FAM184A: variants seen among roughly 807,000 people sequenced by gnomAD.
FAM184A encodes the protein family with sequence similarity 184 member A.
A neutral mutation model predicts 143.8 loss-of-function variants in FAM184A; 99 were observed. That is an observed-to-expected ratio of 0.69 (90% CI 0.58 to 0.81). FAM184A has a LOEUF of 0.81. FAM184A is among the 40% of genes least tolerant of loss of function. FAM184A has a pLI of 0.00. For missense variants in FAM184A, 1,217 were observed against 1,310.5 expected, an observed-to-expected ratio of 0.93 and a Z score of 1.10; for synonymous variants, 427 against 446.4, an observed-to-expected ratio of 0.96 and a Z score of 0.55.
chr6:118,964,287 G>A (rs1168931534), intron 16 of FAM184A, among the ~76,000 whole-genome samples: 2 of 152,234 alleles, frequency 1.3e-5, no homozygotes, highest in Admixed American at 1.3e-4. Context: ...AAGATGTTAG[G>A]CCTTAAACCA....
chr6:119,020,163 T>G lies in FAM184A; in HGVS notation c.1151-4A>C, dbSNP rs1562476510. 6.6e-7 allele frequency: 1 copy of G among 1,523,476 alleles called. No individual in the cohort carries two copies. 94.4% of individuals were successfully genotyped at this position (1,523,476 alleles called of 1,614,324 possible). A position where few individuals can be genotyped will look rare whatever the true frequency, so the allele number is the denominator to read the frequency against. ...GCTTGAAGCATTCCAATATGACCTA[T>G]CCCCCAAAAAGAAAATCCCTTCAAT... is the stretch of plus-strand genomic sequence containing the variant. On this transcript the variant is annotated splice_polypyrimidine_tract_variant and splice_region_variant and intron_variant, in intron 3 of 17. Transcript: ENST00000338891.
chr6:119,094,747 A>G (rs953759947), intron 1 of FAM184A, among the ~76,000 whole-genome samples: 2 of 144,716 alleles, frequency 1.4e-5, no homozygotes, highest in African/African-American at 5.1e-5. Flanking sequence ...GCTTACTGAG[A>G]GAAGGAAGAT....
chr6:119,008,879 C>T (rs1785006580), intron 6 of FAM184A, among the ~76,000 whole-genome samples: 2 of 152,202 alleles, frequency 1.3e-5, no homozygotes, highest in Admixed American at 1.3e-4. Flanking sequence ...CTTAGGATAA[C>T]TTTCAAAATC....
At chr6:118,970,008 A>ATATATATATATATATATATATATTTT in intron 14 of FAM184A, among the ~76,000 whole-genome samples, 5 of 19,046 alleles carry the variant, frequency 2.6e-4, no homozygotes, top group Admixed American at 7.6e-4. Context: ...ATATATATAT[A>ATATATATATATATATATATATATTTT]TTTTTTTTTT....
intron 9 of FAM184A, among the ~76,000 whole-genome samples, chr6:119,001,000 A>T (rs1784738728): frequency 6.6e-6 from 1 of 151,220 alleles, no homozygotes; most frequent in Non-Finnish European, 1.5e-5. Flanking sequence ...GGGGCTTTAG[A>T]GCACAGGCTC....
chr6:119,061,905 T>C (rs879508329), intron 1 of FAM184A, among the ~76,000 whole-genome samples: 2 of 152,100 alleles, frequency 1.3e-5, no homozygotes, highest in African/African-American at 2.4e-5. Flanking sequence ...TATTTGTCAA[T>C]TGAAACAAAA....
intron 1 of FAM184A, among the ~76,000 whole-genome samples, chr6:119,147,060 C>T (rs1180858478): frequency 6.9e-6 from 1 of 143,950 alleles, no homozygotes; most frequent in Non-Finnish European, 1.5e-5. Context: ...CAGTGGCAGG[C>T]TCTGTTTTTT....
In FAM184A at chr6:119,020,162, AT is replaced by A. The variant is rs1279469569; in HGVS notation, c.1151-4del. 6.6e-7 allele frequency: 1 copy of A among 1,524,790 alleles called. No homozygotes were observed. The highest frequency in any genetic ancestry group is 8.8e-7 in the Non-Finnish European group (1 of 1,142,104). 94.5% of individuals were successfully genotyped at this position (1,524,790 alleles called of 1,614,324 possible). On this transcript the variant is annotated splice_region_variant and splice_polypyrimidine_tract_variant and intron_variant, in intron 3 of 17. Coordinates refer to ENST00000338891, the MANE Select transcript of FAM184A (RefSeq NM_024581.6). Reference sequence around the variant, plus strand: ...TGCTTGAAGCATTCCAATATGACCTATCCCCCAAAAAGAAAATCCCTTCAAT... The same window carrying A: ...TGCTTGAAGCATTCCAATATGACCTACCCCCAAAAAGAAAATCCCTTCAAT...
intron 1 of FAM184A, among the ~76,000 whole-genome samples, chr6:119,104,021 T>TG (rs1460764673): frequency 1.3e-5 from 2 of 152,128 alleles, no homozygotes; most frequent in African/African-American, 4.8e-5. Flanking sequence ...TATTTTTATT[T>TG]AATTTATGTA....
intron 16 of FAM184A, among the ~76,000 whole-genome samples, chr6:118,964,372 C>T (rs1783428188): frequency 6.6e-6 from 1 of 151,800 alleles, no homozygotes; most frequent in Non-Finnish European, 1.5e-5. Flanking sequence ...AATAAGAAAA[C>T]AACAAGAAAT....
Position 119,011,415 on chromosome 6 carries a change from T to C in FAM184A, c.1547A>G (p.His516Arg). The C allele has an allele frequency of 6.4e-7, 1 of 1,554,756 alleles. No homozygotes were observed. Among genetic ancestry groups the C allele is most frequent in the African/African-American group, 1.4e-5 (1 of 72,384 alleles). Residue 516 changes from histidine to arginine, a missense_variant, in exon 6 of 18, where the codon CAT becomes CGT. Coordinates refer to ENST00000338891, the MANE Select transcript of FAM184A (RefSeq NM_024581.6). ...TTCCAGGTTTAGTTTATCTTTGTTATGTTGTTCTTCCAAATCCTTAGAAAA... is the reference window on the plus strand; with the variant it reads ...TTCCAGGTTTAGTTTATCTTTGTTACGTTGTTCTTCCAAATCCTTAGAAAA... ...KKLQMDLEEQ[H>R]NKDKLNLEED... is the part of the protein sequence containing the mutation.
At chr6:119,002,785 G>T in intron 9 of FAM184A, 114 bp downstream of exon 9, 1 of 950,634 alleles carries the variant, frequency 1.1e-6, no homozygotes, top group South Asian at 2.0e-5. Context: ...GAAGTTTTAA[G>T]TTTGTCCCAT....
At chr6:119,040,990 C>A (rs1342793) in intron 1 of FAM184A, among the ~76,000 whole-genome samples, 145,715 of 152,262 alleles carry the variant, frequency 0.96, 69,829 homozygotes, top group African/African-American at 0.97. Flanking sequence ...GGTTTCCATG[C>A]GTGTTCCTTC....
chr6:119,082,020 G>T (rs1229256406), upstream of FAM184A, among the ~76,000 whole-genome samples: 2 of 152,344 alleles, frequency 1.3e-5, no homozygotes, highest in East Asian at 3.9e-4. Context: ...GCACAGGATG[G>T]TGGGGGTGGC....
intron 1 of FAM184A, among the ~76,000 whole-genome samples, chr6:119,044,804 A>G (rs1011175156): frequency 6.6e-6 from 1 of 152,208 alleles, no homozygotes; most frequent in African/African-American, 2.4e-5. Context: ...GGAACTGGGT[A>G]TAACTCTTAG....
chr6:119,122,242 T>A lies in FAM184A; in HGVS notation c.-202+26836A>T, dbSNP rs1450052353. Among the ~76,000 whole-genome samples the A allele has an allele frequency of 2.6e-5, 4 of 152,324 alleles. No individual in the cohort carries two copies. The East Asian group carries it at 7.7e-4, about 29-fold the overall frequency. ...GGTCAGGGAGAAGCGGAAAAAGGCC[T>A]CTGAAGGGAATGTCTTGCATTAATA... On this transcript the variant is annotated intron_variant, in intron 1 of 16. Coordinates refer to the FAM184A transcript ENST00000352896.
intron 9 of FAM184A, among the ~76,000 whole-genome samples, chr6:118,992,849 G>A (rs1363815034): frequency 2.0e-5 from 3 of 152,116 alleles, no homozygotes; most frequent in Non-Finnish European, 1.5e-5. Flanking sequence ...AGAATCACTT[G>A]AGCCCAGGGG....
intron 1 of FAM184A, among the ~76,000 whole-genome samples, chr6:119,119,725 C>T (rs1411514993): frequency 6.6e-6 from 1 of 152,092 alleles, no homozygotes; most frequent in Non-Finnish European, 1.5e-5. Flanking sequence ...AAACCCAGCA[C>T]TTTGGGAGAC....
intron 1 of FAM184A, among the ~76,000 whole-genome samples, chr6:119,069,360 G>C (rs1428032551): frequency 4.6e-5 from 7 of 151,998 alleles, no homozygotes. Flanking sequence ...GGTAGGCAAA[G>C]AATACTATTT....
Sources: gnomAD v4.1 joint callset for allele counts (sites outside exome capture counted in the v4.1 genomes callset) on GRCh38, gnomAD v4.1.1 for gene constraint, MANE v1.5 for transcripts, NCBI Gene and HGNC (gene_info 2026-07-23, HGNC 2026-07-21) for gene names.